Variants in TENM4 observed in about 807,000 individuals in gnomAD.
TENM4 encodes the protein teneurin-4.
In TENM4, 82 loss-of-function variants were observed where a neutral mutation model predicts 243.3. That is an observed-to-expected ratio of 0.34 (90% confidence interval 0.28 to 0.40). The LOEUF (loss-of-function observed/expected upper bound fraction) is 0.40. TENM4 is among the 10% of genes least tolerant of loss of function. The probability of loss-of-function intolerance (pLI) is 1.00; values close to 1 mark genes in which losing one functional copy is unlikely to be tolerated. For synonymous variants in TENM4, 1,412 were observed against 1,456.3 expected (o/e 0.97, Z 0.69); for missense variants, 3,138 against 3,673.3 (o/e 0.85, Z 3.77).
intron 1 of TENM4, among the ~76,000 whole-genome samples, chr11:79,372,064 A>T (rs946777074): frequency 2.6e-5 from 4 of 152,174 alleles, no homozygotes; most frequent in Non-Finnish European, 4.4e-5. Context: ...CCCTGCCTCT[A>T]TCCCCCTCGT....
At chr11:78,793,076 A>G (rs1044028546) in intron 15 of TENM4, among the ~76,000 whole-genome samples, 1 of 152,230 alleles carries the variant, frequency 6.6e-6, no homozygotes, top group Non-Finnish European at 1.5e-5. Flanking sequence ...TCCCCGTGCA[A>G]GCCCAGATGA....
intron 4 of TENM4, among the ~76,000 whole-genome samples, chr11:79,105,245 T>C (rs554997141): frequency 1.7e-4 from 26 of 152,242 alleles, no homozygotes; most frequent in Admixed American, 2.6e-4. Context: ...TTTCTGTTAT[T>C]GCTTCCTTGC....
intron 6 of TENM4, among the ~76,000 whole-genome samples, chr11:78,932,610 T>G (rs747283996): frequency 1.1e-4 from 17 of 152,172 alleles, no homozygotes; most frequent in African/African-American, 1.9e-4. Flanking sequence ...CTGCATAAAC[T>G]GGGATGGGGA....
intron 12 of TENM4, among the ~76,000 whole-genome samples, chr11:78,844,442 G>C (rs936408628): frequency 6.6e-6 from 1 of 152,158 alleles, no homozygotes; most frequent in African/African-American, 2.4e-5. Flanking sequence ...AGGAGATCGA[G>C]ACCATCCTGG....
intron 1 of TENM4, among the ~76,000 whole-genome samples, chr11:79,309,739 G>C (rs1181975833): frequency 6.6e-6 from 1 of 152,176 alleles, no homozygotes; most frequent in African/African-American, 2.4e-5. Context: ...GGAGGATAGA[G>C]AAACAGGCCC....
intron 3 of TENM4, among the ~76,000 whole-genome samples, chr11:79,164,003 GTATAT>G (rs1862828293): frequency 1.4e-5 from 1 of 70,244 alleles, no homozygotes; most frequent in Non-Finnish European, 3.0e-5. Flanking sequence ...ATATAGTATA[GTATAT>G]AGTATATATA....
chr11:78,881,250 C>T (rs1855425852), intron 9 of TENM4, among the ~76,000 whole-genome samples: 1 of 152,122 alleles, frequency 6.6e-6, no homozygotes, highest in African/African-American at 2.4e-5. Context: ...TGTCATCCCG[C>T]TGCCTTCCAC....
intron 2 of TENM4, among the ~76,000 whole-genome samples, chr11:79,235,257 G>A (rs1864443299): frequency 6.6e-6 from 1 of 152,104 alleles, no homozygotes; most frequent in African/African-American, 2.4e-5. Context: ...AGGTTGCAGT[G>A]AGCCAAGATA....
chr11:78,762,408 A>G (rs1856450557), intron 18 of TENM4, among the ~76,000 whole-genome samples: 1 of 152,206 alleles, frequency 6.6e-6, no homozygotes, highest in African/African-American at 2.4e-5. Flanking sequence ...GTGGATAAAC[A>G]TGGTCATAGC....
chr11:78,829,088 A>G (rs1857920323), intron 12 of TENM4, among the ~76,000 whole-genome samples: 1 of 152,200 alleles, frequency 6.6e-6, no homozygotes, highest in Non-Finnish European at 1.5e-5. Flanking sequence ...CTCAAGCACT[A>G]GACTGCAGCC....
At chr11:78,729,814 G>A (rs890264545) in intron 21 of TENM4, among the ~76,000 whole-genome samples, 171 bp from the exon 22 acceptor site, 20 of 152,096 alleles carry the variant, frequency 1.3e-4, no homozygotes, top group African/African-American at 1.9e-4. Context: ...AGCAGAGGGT[G>A]AAGAGAAGCA....
intron 7 of TENM4, among the ~76,000 whole-genome samples, chr11:78,899,292 A>C (rs1020570693): frequency 6.6e-6 from 1 of 152,082 alleles, no homozygotes; most frequent in Non-Finnish European, 1.5e-5. Context: ...CCCAAAGCTC[A>C]TGTTAAAATT....
In TENM4 at chr11:79,058,272, G is replaced by T. The variant is rs916759184; in HGVS notation, c.493+6466C>A. ...TCAAGAAGGATAATGGGCCAGGTGC[G>T]GTGGCTCACGCCTGTAATCCCAGCA... On this transcript the variant is annotated intron_variant, in intron 6 of 33. Coordinates refer to ENST00000278550, the MANE Select transcript of TENM4 (RefSeq NM_001098816.3). Among the ~76,000 whole-genome samples, 11 of 152,260 alleles carry T rather than the reference G, an allele frequency of 7.2e-5. No individual in the cohort carries two copies. In the East Asian group the frequency reaches 2.1e-3, roughly 29 times the overall value.
intron 1 of TENM4, among the ~76,000 whole-genome samples, chr11:79,416,463 G>A (rs573689807): frequency 6.6e-6 from 1 of 152,212 alleles, no homozygotes; most frequent in Non-Finnish European, 1.5e-5. Flanking sequence ...TTTCTCTAAT[G>A]ACTAATGATA....
chr11:78,948,352 T>C (rs2136481355), intron 6 of TENM4, among the ~76,000 whole-genome samples: 1 of 152,138 alleles, frequency 6.6e-6, no homozygotes, highest in East Asian at 1.9e-4. Context: ...AGTTTAAAAT[T>C]TCTCCAATTC....
At position 78,658,287 on chromosome 11, in the gene TENM4, GC is replaced by G; in HGVS notation, c.8080del (p.Ala2694ProfsTer36). 6.2e-7 allele frequency: 1 copy of G among 1,608,136 alleles called. No homozygotes were observed. Among genetic ancestry groups the G allele is most frequent in the Non-Finnish European group, 8.5e-7 (1 of 1,177,032 alleles). On this transcript the variant is annotated frameshift_variant, in exon 34 of 34. Transcript: ENST00000278550. LOFTEE classifies it high-confidence loss of function. ...DEEKARVLEL[A>X]RQRAVRQAWA... ...CGCTTGGCGCACGGCTCTCTGCCGG[GC>G]CAGCTCCAGGACCCGTGCCTTCTCC...
rs574950428 is a variant in TENM4, at chr11:79,046,675, G to A, written c.493+18063C>T. Among the ~76,000 whole-genome samples the A allele has an allele frequency of 2.4e-3, 358 of 152,276 alleles. 1 individual carries two copies. The highest frequency in any genetic ancestry group is 8.4e-3 in the African/African-American group (351 of 41,560). ...TCACAATCCAGGCAGAGACTGGAGTGATGCAGCTGCAAGCCAGGGAATACC... is the reference window on the plus strand; with the variant it reads ...TCACAATCCAGGCAGAGACTGGAGTAATGCAGCTGCAAGCCAGGGAATACC... On this transcript the variant is annotated intron_variant, in intron 6 of 33. Transcript: ENST00000278550.
intron 17 of TENM4, among the ~76,000 whole-genome samples, chr11:78,774,423 G>A (rs947348774): frequency 4.6e-5 from 7 of 152,116 alleles, no homozygotes; most frequent in Non-Finnish European, 8.8e-5. Context: ...AGTGGGAGGC[G>A]GCATGATGGG....
At chr11:78,754,143 G>A (rs1856251899) in intron 19 of TENM4, among the ~76,000 whole-genome samples, 1 of 152,178 alleles carries the variant, frequency 6.6e-6, no homozygotes, top group Admixed American at 6.5e-5. Flanking sequence ...GGTTTACAGG[G>A]GTTGACAGAC....
Sources: gnomAD v4.1 joint callset for allele counts (sites outside exome capture counted in the v4.1 genomes callset) on GRCh38, gnomAD v4.1.1 for gene constraint, MANE v1.5 for transcripts, NCBI Gene and HGNC (gene_info 2026-07-23, HGNC 2026-07-21) for gene names.